Variants in RALYL observed in about 807,000 individuals in gnomAD.
RALYL encodes the protein RALY RNA binding protein like.
In RALYL, 29 loss-of-function variants were observed where a neutral mutation model predicts 35.1. The observed-to-expected ratio is 0.83, with a 90% CI of 0.61 to 1.13. RALYL has a LOEUF of 1.13. Among genes scored for constraint, RALYL ranks in the 50% most tolerant of loss-of-function variants. The pLI, the probability that RALYL is intolerant of heterozygous loss-of-function variation, is 0.00. For missense variants in RALYL, 359 were observed against 360.4 expected, an observed-to-expected ratio of 1.00 and a Z score of 0.03; for synonymous variants, 120 against 127.6, an observed-to-expected ratio of 0.94 and a Z score of 0.40.
intron 5 of RALYL, among the ~76,000 whole-genome samples, chr8:84,851,781 T>C (rs1835905649): frequency 6.6e-6 from 1 of 152,188 alleles, no homozygotes; most frequent in East Asian, 1.9e-4. Flanking sequence ...TCCTCATCTT[T>C]CAGATCTCAG....
At chr8:84,898,550 C>T (rs1845143937) in intron 8 of RALYL, among the ~76,000 whole-genome samples, 1 of 152,172 alleles carries the variant, frequency 6.6e-6, no homozygotes, top group Non-Finnish European at 1.5e-5. Flanking sequence ...GAGGTAAACA[C>T]ATGAAAACTC....
intron 2 of RALYL, among the ~76,000 whole-genome samples, chr8:84,724,617 GCT>G (rs1339607050): frequency 6.6e-6 from 1 of 151,638 alleles, no homozygotes; most frequent in African/African-American, 2.4e-5. Flanking sequence ...TTTGACCTCT[GCT>G]CTGTTATTTT....
At chr8:84,696,960 G>A (rs890431959) in intron 2 of RALYL, among the ~76,000 whole-genome samples, 10 of 152,120 alleles carry the variant, frequency 6.6e-5, no homozygotes, top group African/African-American at 1.7e-4. Context: ...CTTGGGCTAT[G>A]TAATGCTAAA....
intron 1 of RALYL, among the ~76,000 whole-genome samples, chr8:84,319,675 A>T (rs1393313119): frequency 6.6e-6 from 1 of 152,094 alleles, no homozygotes; most frequent in Non-Finnish European, 1.5e-5. Flanking sequence ...TGCTAAGTGT[A>T]AGTAAAGCTT....
chr8:84,713,558 T>C (rs1842517547), intron 2 of RALYL, among the ~76,000 whole-genome samples: 1 of 152,032 alleles, frequency 6.6e-6, no homozygotes, highest in Admixed American at 6.6e-5. Context: ...GTTATAAAAG[T>C]GTCAGTGAGT....
At chr8:84,466,819 C>G (rs1223154750) in intron 1 of RALYL, among the ~76,000 whole-genome samples, 1 of 151,440 alleles carries the variant, frequency 6.6e-6, no homozygotes, top group African/African-American at 2.4e-5. Context: ...ACAATTTCAG[C>G]TCCTGTTATT....
rs1357298697 is a variant in RALYL, at chr8:84,459,512, T to C, written c.-23-69787T>C. 2.6e-5 allele frequency among the ~76,000 whole-genome samples: 4 copies of C among 151,728 alleles called. No homozygotes were observed. The Admixed American group carries it at 2.6e-4, about 10-fold the overall frequency. ...GTAGGTCATGTTGAGGAGTTTATCATGACAGCAATGGGGAGTCATTGAAAG... is the reference window on the plus strand; with the variant it reads ...GTAGGTCATGTTGAGGAGTTTATCACGACAGCAATGGGGAGTCATTGAAAG... On this transcript the variant is annotated intron_variant, in intron 1 of 8. Transcript: ENST00000521268.
chr8:84,839,484 G>A (rs1353984324), intron 4 of RALYL, among the ~76,000 whole-genome samples: 1 of 152,242 alleles, frequency 6.6e-6, no homozygotes, highest in African/African-American at 2.4e-5. Context: ...CTCGAACTGG[G>A]TGGAGCCCAC....
intron 1 of RALYL, among the ~76,000 whole-genome samples, chr8:84,503,434 A>G (rs912035599): frequency 6.6e-6 from 1 of 151,972 alleles, no homozygotes; most frequent in Admixed American, 6.6e-5. Flanking sequence ...CTGGGATTAC[A>G]GGCATGAGCC....
chr8:84,670,633 C>A (rs1385374817), intron 2 of RALYL, among the ~76,000 whole-genome samples: 2 of 152,088 alleles, frequency 1.3e-5, no homozygotes, highest in Non-Finnish European at 2.9e-5. Context: ...TGGCAGCAGG[C>A]AAGAGTGTGT....
chr8:84,332,962 G>A (rs893836033), intron 1 of RALYL, among the ~76,000 whole-genome samples: 4 of 152,132 alleles, frequency 2.6e-5, no homozygotes, highest in African/African-American at 9.7e-5. Context: ...CACTTAAGCA[G>A]GAAAGCAGGC....
chr8:84,597,539 CA>C (rs1476728310), intron 2 of RALYL, among the ~76,000 whole-genome samples: 5 of 152,054 alleles, frequency 3.3e-5, no homozygotes, highest in Non-Finnish European at 7.4e-5. Flanking sequence ...TTGTCTCCTT[CA>C]AATCCATGCT....
At chr8:84,667,046 A>T (rs1268911389) in intron 2 of RALYL, among the ~76,000 whole-genome samples, 7 of 152,108 alleles carry the variant, frequency 4.6e-5, no homozygotes, top group Non-Finnish European at 1.0e-4. Flanking sequence ...TGAAACCTGG[A>T]CATGGGTTTT....
intron 2 of RALYL, among the ~76,000 whole-genome samples, chr8:84,744,022 T>G (rs1226332097): frequency 1.3e-5 from 2 of 151,970 alleles, no homozygotes; most frequent in African/African-American, 4.8e-5. Context: ...ATAGTAGCAA[T>G]GATTGCACAG....
chr8:84,788,548 T>A (rs1210390109), intron 3 of RALYL, among the ~76,000 whole-genome samples: 1 of 152,214 alleles, frequency 6.6e-6, no homozygotes, highest in Non-Finnish European at 1.5e-5. Flanking sequence ...GGGCTGGTGT[T>A]AAGCAAAGCC....
chr8:84,372,714 G>C (rs1855971603), intron 1 of RALYL, among the ~76,000 whole-genome samples: 1 of 151,612 alleles, frequency 6.6e-6, no homozygotes, highest in African/African-American at 2.4e-5. Flanking sequence ...ATAAATAGTA[G>C]TAATATTCCT....
At chr8:84,873,262 C>A in intron 6 of RALYL, 22 bp from the exon 7 acceptor site, 2 of 1,378,790 alleles carry the variant, frequency 1.5e-6, no homozygotes, top group Non-Finnish European at 2.0e-6. Context: ...CTGTTGTTTT[C>A]TTCCTTCTTT....
chr8:84,680,705 T>C (rs1446868822), intron 2 of RALYL, among the ~76,000 whole-genome samples: 1 of 152,168 alleles, frequency 6.6e-6, no homozygotes, highest in Non-Finnish European at 1.5e-5. Context: ...TGTTTGTTTT[T>C]TTTCTTGTAA....
chr8:84,319,576 T>C lies in RALYL; in HGVS notation c.-24+135152T>C, dbSNP rs188057478. On this transcript the variant is annotated intron_variant, in intron 1 of 8. Transcript: ENST00000521268. ...TAAAGTTATTGCAGATACCAGATGA[T>C]ACGCTCAAAGAACTTTGCTTGTTGT... Among the ~76,000 whole-genome samples the C allele has an allele frequency of 5.9e-5, 9 of 152,238 alleles. No homozygotes were observed. The East Asian group carries it at 7.7e-4, about 13-fold the overall frequency.
Sources: allele counts gnomAD v4.1 joint callset (sites outside exome capture counted in the v4.1 genomes callset), GRCh38; gene constraint gnomAD v4.1.1; transcripts MANE v1.5; gene names NCBI Gene and HGNC (gene_info 2026-07-23, HGNC 2026-07-21).